TENM3: variants seen among roughly 807,000 people sequenced by gnomAD.
TENM3 encodes teneurin-3.
TENM3 carries 63 observed loss-of-function variants against 255.1 expected under a neutral mutation model. The ratio of observed to expected loss-of-function variants is 0.25; its 90% CI spans 0.20 to 0.30. The LOEUF (loss-of-function observed/expected upper bound fraction) is 0.30, where lower values mean the gene tolerates loss of function less well. Among genes scored for constraint, TENM3 ranks in the 10% least tolerant of loss-of-function variants. TENM3 has a pLI of 1.00. For synonymous variants in TENM3, 1,306 were observed against 1,322.3 expected (o/e 0.99, Z 0.27); for missense variants, 2,929 against 3,461.1 (o/e 0.85, Z 3.86).
chr4:182,633,385 A>G (rs1751564040), intron 5 of TENM3, among the ~76,000 whole-genome samples: 1 of 152,248 alleles, frequency 6.6e-6, no homozygotes, highest in Admixed American at 6.5e-5. Context: ...AGTGATGAGG[A>G]CGTGCATAAA....
At chr4:182,173,553 A>G (rs1324233363) in intron 1 of TENM3, among the ~76,000 whole-genome samples, 1 of 152,202 alleles carries the variant, frequency 6.6e-6, no homozygotes, top group Non-Finnish European at 1.5e-5. Flanking sequence ...GAAAAGTATC[A>G]AGGTCAGGTG....
chr4:182,498,592 G>A (rs1225111671), intron 3 of TENM3, among the ~76,000 whole-genome samples: 1 of 152,076 alleles, frequency 6.6e-6, no homozygotes, highest in African/African-American at 2.4e-5. Flanking sequence ...GGTGTCTCAC[G>A]CCTGTAATCC....
At chr4:182,335,517 A>AAAAAAAAAAC in intron 2 of TENM3, among the ~76,000 whole-genome samples, 1 of 148,462 alleles carries the variant, frequency 6.7e-6, no homozygotes, top group East Asian at 2.0e-4. Context: ...AAAAAAAAAA[A>AAAAAAAAAAC]AAGACGAAGC....
the TENM3 span, among the ~76,000 whole-genome samples, chr4:181,753,867 A>G: frequency 6.6e-6 from 1 of 152,086 alleles, no homozygotes; most frequent in African/African-American, 2.4e-5. Context: ...CAGAGGAGGG[A>G]CTATGTAAGT....
intron 1 of TENM3, among the ~76,000 whole-genome samples, chr4:182,177,584 G>T (rs2149722201): frequency 1.3e-5 from 2 of 150,938 alleles, no homozygotes; most frequent in South Asian, 2.1e-4. Flanking sequence ...ATTTAAAATG[G>T]GGACATATTT....
At chr4:182,493,822 A>G (rs986341017) in intron 3 of TENM3, among the ~76,000 whole-genome samples, 2 of 152,192 alleles carry the variant, frequency 1.3e-5, no homozygotes, top group Non-Finnish European at 2.9e-5. Context: ...GTTAATGACA[A>G]TTATTAAAAA....
intron 3 of TENM3, among the ~76,000 whole-genome samples, chr4:182,508,604 T>A (rs1489363038): frequency 1.3e-5 from 2 of 152,226 alleles, no homozygotes; most frequent in African/African-American, 4.8e-5. Context: ...CCCTTTCTTC[T>A]GATAGATGCA....
At chr4:182,781,860 C>T (rs1765195818) in intron 24 of TENM3, among the ~76,000 whole-genome samples, 1 of 151,466 alleles carries the variant, frequency 6.6e-6, no homozygotes, top group South Asian at 2.1e-4. Flanking sequence ...TTGTAGTATT[C>T]TCTGATGGTA....
At chr4:182,225,135 G>A (rs1167878905) in intron 1 of TENM3, among the ~76,000 whole-genome samples, 1 of 152,064 alleles carries the variant, frequency 6.6e-6, no homozygotes, top group African/African-American at 2.4e-5. Context: ...TCGTCTGATA[G>A]GTTTCTTTTG....
chr4:181,978,374 C>T, the TENM3 span, among the ~76,000 whole-genome samples: 680 of 152,186 alleles, frequency 4.5e-3, 10 homozygotes, highest in African/African-American at 0.016. Context: ...GGGGGCTGGG[C>T]GTGGTGGCTC....
rs567119232 is a variant in TENM3, at chr4:182,244,804, T to C, written c.-76+1328T>C. ...TCCAACTGTCCAGCTTTCTGAGAGT[T>C]TGCAAATATCACTTTACTTCTTACA... is the stretch of plus-strand genomic sequence containing the variant. On this transcript the variant is annotated intron_variant, in intron 1 of 27. Coordinates refer to ENST00000511685, the MANE Select transcript of TENM3 (RefSeq NM_001080477.4). 3.3e-5 allele frequency among the ~76,000 whole-genome samples: 5 copies of C among 152,364 alleles called. No homozygotes were observed. In the East Asian group the frequency reaches 5.8e-4, roughly 18 times the overall value.
At chr4:182,653,924 CTCTTT>C (rs768312960) in intron 6 of TENM3, 31 bp downstream of exon 6, 1 of 1,573,480 alleles carries the variant, frequency 6.4e-7, no homozygotes, top group Non-Finnish European at 8.6e-7. Context: ...TCCTGTGTTT[CTCTTT>C]TAACATCCCT....
At chr4:182,751,603 G>C (rs1762373925) in intron 19 of TENM3, among the ~76,000 whole-genome samples, 197 bp from the exon 20 acceptor site, 1 of 152,198 alleles carries the variant, frequency 6.6e-6, no homozygotes, top group Admixed American at 6.5e-5. Flanking sequence ...AAGGCAAACA[G>C]TAATATCAGA....
chr4:181,493,505 T>C, the TENM3 span, among the ~76,000 whole-genome samples: 3,303 of 152,056 alleles, frequency 0.022, 54 homozygotes, highest in Non-Finnish European at 0.033. Context: ...CCGAGGCAGG[T>C]GGATCACCTG....
the TENM3 span, among the ~76,000 whole-genome samples, chr4:181,892,825 T>G: frequency 6.6e-6 from 1 of 152,170 alleles, no homozygotes; most frequent in Admixed American, 6.5e-5. Flanking sequence ...TCTCTATACA[T>G]TTTATAGGTT....
the TENM3 span, among the ~76,000 whole-genome samples, chr4:182,125,465 T>G: frequency 1.3e-5 from 2 of 152,198 alleles, no homozygotes; most frequent in Non-Finnish European, 2.9e-5. Flanking sequence ...GTCTTAAAAC[T>G]TATTCCCTGT....
intron 3 of TENM3, among the ~76,000 whole-genome samples, chr4:182,561,166 T>A (rs1743130263): frequency 1.3e-5 from 2 of 152,010 alleles, no homozygotes; most frequent in Non-Finnish European, 2.9e-5. Flanking sequence ...AAACTAAGAC[T>A]CAAAACATTG....
At chr4:181,888,516 G>GTATGTATATATA in the TENM3 span, among the ~76,000 whole-genome samples, 1 of 41,518 alleles carries the variant, frequency 2.4e-5, no homozygotes, top group African/African-American at 9.2e-5. Flanking sequence ...ATATATATAT[G>GTATGTATATATA]TATATATATA....
intron 1 of TENM3, among the ~76,000 whole-genome samples, chr4:182,173,530 G>A (rs577111842): frequency 6.6e-6 from 1 of 152,300 alleles, no homozygotes; most frequent in South Asian, 2.1e-4. Flanking sequence ...GGAAGCCATG[G>A]TTATGGAGTT....
Sources: allele counts gnomAD v4.1 joint callset (sites outside exome capture counted in the v4.1 genomes callset), GRCh38; gene constraint gnomAD v4.1.1; transcripts MANE v1.5; gene names NCBI Gene and HGNC (gene_info 2026-07-23, HGNC 2026-07-21).